Variants in CDC14A observed in about 807,000 individuals in gnomAD.
CDC14A encodes cell division cycle 14A.
CDC14A carries 53 observed loss-of-function variants against 74.4 expected under a neutral mutation model. That is an observed-to-expected ratio of 0.71 (90% CI 0.57 to 0.89). The LOEUF is 0.89. Ranked by LOEUF, CDC14A falls within the 40% of genes least tolerant of loss-of-function variation. The probability of loss-of-function intolerance (pLI) is 0.00; values close to 1 mark genes in which losing one functional copy is unlikely to be tolerated. For synonymous variants in CDC14A, 247 were observed against 258.4 expected (o/e 0.96, Z 0.43); for missense variants, 646 against 713.7 (o/e 0.91, Z 1.08).
chr1:100,420,063 CATATAT>C lies in CDC14A; in HGVS notation c.310-4145_310-4140del, dbSNP rs1553180578. Reference sequence around the variant, plus strand: ...ACACACACACACACACACACACACACATATATATATATATATATAGTGTGTATGTGT... The same window carrying C: ...ACACACACACACACACACACACACACATATATATATATAGTGTGTATGTGT... On this transcript the variant is annotated intron_variant, in intron 4 of 15. Coordinates refer to ENST00000336454, the MANE Select transcript of CDC14A (RefSeq NM_003672.4). Among the ~76,000 whole-genome samples, 3 of 61,566 alleles carry C rather than the reference CATATAT, an allele frequency of 4.9e-5. No individual in the cohort carries two copies. The Admixed American group carries it at 6.9e-4, about 14-fold the overall frequency. 40.4% of individuals were successfully genotyped at this position (61,566 alleles called of 152,430 possible).
chr1:100,397,157 C>T (rs1400699396), intron 4 of CDC14A, among the ~76,000 whole-genome samples: 1 of 152,032 alleles, frequency 6.6e-6, no homozygotes, highest in Non-Finnish European at 1.5e-5. Context: ...CTGATATAGA[C>T]CATCATGTTC....
At chr1:100,451,482 A>C (rs1023199556) in intron 7 of CDC14A, among the ~76,000 whole-genome samples, 35 of 152,252 alleles carry the variant, frequency 2.3e-4, no homozygotes, top group African/African-American at 8.0e-4. Flanking sequence ...CTTAAACCAA[A>C]TAATTCAAAT....
At chr1:100,401,512 TACTG>T (rs975442812) in intron 4 of CDC14A, among the ~76,000 whole-genome samples, 9 of 152,218 alleles carry the variant, frequency 5.9e-5, no homozygotes, top group African/African-American at 2.2e-4. Context: ...TTCTTAAAGT[TACTG>T]AGTAAAACAA....
Position 100,499,139 on chromosome 1 carries a change from G to C in CDC14A, c.1632G>C (p.Gly544=). ...ACAACAGAAGCAGCAACAGCAACGG[G>C]GGCAACCTGAACAGCCCCCCAGGCC... ...NQYNRSSNSN[G]GNLNSPPGPH... is the part of the protein sequence containing the mutation. Residue 544 remains glycine, a synonymous_variant, in exon 15 of 16, where the codon GGG becomes GGC. Transcript: ENST00000336454. 1 of 1,614,076 alleles carries C rather than the reference G, an allele frequency of 6.2e-7. No individual in the cohort carries two copies.
chr1:100,460,474 G>A (rs1027370007), intron 8 of CDC14A, among the ~76,000 whole-genome samples: 56 of 152,214 alleles, frequency 3.7e-4, no homozygotes, highest in African/African-American at 1.3e-3. Flanking sequence ...CAACCCAGAG[G>A]CAGAAGCTCT....
upstream of CDC14A, among the ~76,000 whole-genome samples, chr1:100,350,140 G>T (rs1272090327): frequency 6.6e-6 from 1 of 152,108 alleles, no homozygotes; most frequent in African/African-American, 2.4e-5. Flanking sequence ...TATTAGTAGA[G>T]TTGGGGGTTT....
chr1:100,352,589 C>T lies in CDC14A; in HGVS notation c.-366C>T. 2 of 1,104,936 alleles carry T rather than the reference C, an allele frequency of 1.8e-6. No individual in the cohort carries two copies. Among genetic ancestry groups the T allele is most frequent in the Admixed American group, 1.1e-4 (2 of 18,842 alleles). The allele number at this position is 1,104,936 out of a possible 1,614,324, so 68.4% of individuals were successfully genotyped here. On this transcript the variant is annotated 5_prime_UTR_variant, in exon 1 of 16. Coordinates refer to ENST00000336454, the MANE Select transcript of CDC14A (RefSeq NM_003672.4). ...CGGGCGCGATCGGGACCAGAAGTCTCCTCCTCCATGATCACTTTGGAAGCC... is the reference window on the plus strand; with the variant it reads ...CGGGCGCGATCGGGACCAGAAGTCTTCTCCTCCATGATCACTTTGGAAGCC...
In CDC14A at chr1:100,362,568, A is replaced by G. The variant is rs1392288841; in HGVS notation, c.140+8716A>G. 3.9e-5 allele frequency among the ~76,000 whole-genome samples: 6 copies of G among 152,258 alleles called. No individual in the cohort carries two copies. The South Asian group carries it at 8.3e-4, about 21-fold the overall frequency. On this transcript the variant is annotated intron_variant, in intron 2 of 15. Coordinates refer to ENST00000336454, the MANE Select transcript of CDC14A (RefSeq NM_003672.4). ...TCTTTGGTCATTTTGGTTGTTTCCT[A>G]TGTCTTGTCATTTTAAGTTGTTCCA...
intron 13 of CDC14A, 80 bp downstream of exon 13, chr1:100,496,129 G>T: frequency 2.6e-6 from 3 of 1,163,374 alleles, no homozygotes; most frequent in South Asian, 2.5e-5. Context: ...CCTCAAACAC[G>T]AAAATCAACT....
At chr1:100,506,768 A>ATACTT (rs1224079908) in intron 15 of CDC14A, among the ~76,000 whole-genome samples, 1 of 152,222 alleles carries the variant, frequency 6.6e-6, no homozygotes, top group Non-Finnish European at 1.5e-5. Context: ...GCTTAATTTT[A>ATACTT]TACTTTCTTA....
At chr1:100,501,947 C>T (rs556305271) in intron 15 of CDC14A, among the ~76,000 whole-genome samples, 66 of 152,136 alleles carry the variant, frequency 4.3e-4, no homozygotes, top group Admixed American at 1.5e-3. Context: ...GAAGAAAATA[C>T]TTGGTACAGT....
intron 15 of CDC14A, among the ~76,000 whole-genome samples, chr1:100,503,779 A>T (rs1405558352): frequency 6.6e-6 from 1 of 152,250 alleles, no homozygotes. Context: ...AATGCTTAAG[A>T]AATGAGGGAC....
chr1:100,462,013 T>C (rs1667364890), intron 8 of CDC14A, among the ~76,000 whole-genome samples: 1 of 152,216 alleles, frequency 6.6e-6, no homozygotes, highest in Non-Finnish European at 1.5e-5. Flanking sequence ...TGTTGTACAA[T>C]AGATCTCTGG....
intron 3 of CDC14A, among the ~76,000 whole-genome samples, chr1:100,386,534 CT>C (rs1656894429): frequency 6.6e-6 from 1 of 152,060 alleles, no homozygotes. Flanking sequence ...ATCATATTTG[CT>C]TTGTAATCCC....
chr1:100,513,643 T>A (rs993560148), intron 15 of CDC14A, among the ~76,000 whole-genome samples: 3 of 152,198 alleles, frequency 2.0e-5, no homozygotes, highest in African/African-American at 7.2e-5. Flanking sequence ...CATGTTTTAT[T>A]TATTAACCAT....
At chr1:100,357,110 C>G (rs1373067945) in intron 2 of CDC14A, among the ~76,000 whole-genome samples, 2 of 152,082 alleles carry the variant, frequency 1.3e-5, no homozygotes, top group Non-Finnish European at 2.9e-5. Flanking sequence ...GTGGGAAGAT[C>G]AGGCATTCCA....
rs185175077 is a variant in CDC14A at position 100,409,055 on chromosome 1, A to G, written c.310-15167A>G. ...CATATCTGAGACTGGGCAATTTACA[A>G]AAGAAAGAGGCTTAATGGACTTACA... is the stretch of plus-strand genomic sequence containing the variant. On this transcript the variant is annotated intron_variant, in intron 4 of 15. Coordinates refer to ENST00000336454, the MANE Select transcript of CDC14A (RefSeq NM_003672.4). 1.4e-4 allele frequency among the ~76,000 whole-genome samples: 22 copies of G among 152,318 alleles called. No homozygotes were observed. The East Asian group carries it at 4.0e-3, about 28-fold the overall frequency.
chr1:100,461,001 G>A (rs1046958302), intron 8 of CDC14A, among the ~76,000 whole-genome samples: 1 of 152,166 alleles, frequency 6.6e-6, no homozygotes, highest in Non-Finnish European at 1.5e-5. Flanking sequence ...AACCACACTA[G>A]GCATTTCAAA....
At chr1:100,452,725 T>G (rs376570086) in intron 7 of CDC14A, among the ~76,000 whole-genome samples, 9 of 152,170 alleles carry the variant, frequency 5.9e-5, no homozygotes, top group East Asian at 5.8e-4. Context: ...ATCTATAGTT[T>G]TTTTTGCATA....
Sources: allele counts gnomAD v4.1 joint callset (sites outside exome capture counted in the v4.1 genomes callset), GRCh38; gene constraint gnomAD v4.1.1; transcripts MANE v1.5; gene names NCBI Gene and HGNC (gene_info 2026-07-23, HGNC 2026-07-21).